Variants in SCYL2 observed in about 807,000 individuals in gnomAD.
The protein encoded by SCYL2 is SCY1 like pseudokinase 2.
SCYL2 carries 36 observed loss-of-function variants against 100.4 expected under a neutral mutation model. That is an observed-to-expected ratio of 0.36 (90% CI 0.27 to 0.47). The LOEUF (loss-of-function observed/expected upper bound fraction) is 0.47, where lower values mean the gene tolerates loss of function less well. Ranked by LOEUF, SCYL2 falls within the 20% of genes least tolerant of loss-of-function variation. The pLI, the probability that SCYL2 is intolerant of heterozygous loss-of-function variation, is 1.00. For synonymous variants in SCYL2, 330 were observed against 359.2 expected, an observed-to-expected ratio of 0.92 and a Z score of 0.92; for missense variants, 902 against 1,083.9, an observed-to-expected ratio of 0.83 and a Z score of 2.36.
intron 3 of SCYL2, among the ~76,000 whole-genome samples, chr12:100,295,172 G>C (rs1274845786): frequency 6.6e-6 from 1 of 151,598 alleles, no homozygotes; most frequent in African/African-American, 2.4e-5. Context: ...TCACTTCCTA[G>C]ATGGGATGGC....
At chr12:100,315,821 T>A (rs1235515101) in intron 9 of SCYL2, 87 bp downstream of exon 9, 3 of 1,118,260 alleles carry the variant, frequency 2.7e-6, no homozygotes, top group East Asian at 2.7e-5. Flanking sequence ...ATATATGACT[T>A]AAAAAAAACT....
intron 9 of SCYL2, among the ~76,000 whole-genome samples, chr12:100,316,620 G>A (rs1243084941): frequency 6.6e-6 from 1 of 152,182 alleles, no homozygotes; most frequent in Non-Finnish European, 1.5e-5. Context: ...CTGTGAATTA[G>A]GGAAAGAACA....
intron 4 of SCYL2, among the ~76,000 whole-genome samples, chr12:100,308,236 C>T (rs1036597042): frequency 6.6e-6 from 1 of 152,228 alleles, no homozygotes; most frequent in East Asian, 1.9e-4. Flanking sequence ...TGGAACCAAC[C>T]CAAATGCCCA....
chr12:100,289,468 T>C (rs1397895202), intron 2 of SCYL2, among the ~76,000 whole-genome samples: 1 of 152,238 alleles, frequency 6.6e-6, no homozygotes, highest in African/African-American at 2.4e-5. Context: ...CTGTGAGGAA[T>C]AGAATAATTC....
At chr12:100,274,750 G>GCAAATCAATTTTAGGA (rs2096290945) in intron 1 of SCYL2, among the ~76,000 whole-genome samples, 1 of 152,196 alleles carries the variant, frequency 6.6e-6, no homozygotes, top group Non-Finnish European at 1.5e-5. Flanking sequence ...AAATCTTCAG[G>GCAAATCAATTTTAGGA]ACATAGACTT....
chr12:100,313,548 T>C lies in SCYL2; in HGVS notation c.969+10T>C. Reference sequence around the variant, plus strand: ...AGATCAAATGACAAAGGTGAGTACATGTGGATTTCTGCCTAAGATGGAGGA... The same window carrying C: ...AGATCAAATGACAAAGGTGAGTACACGTGGATTTCTGCCTAAGATGGAGGA... On this transcript the variant is annotated intron_variant, in intron 7 of 17. Transcript: ENST00000360820. The C allele has an allele frequency of 7.2e-7, 1 of 1,398,468 alleles. No homozygotes were observed. The highest frequency in any genetic ancestry group is 1.0e-6 in the Non-Finnish European group (1 of 994,656). 86.6% of individuals were successfully genotyped at this position (1,398,468 alleles called of 1,614,324 possible).
At position 100,294,873 on chromosome 12, in the gene SCYL2, C is replaced by T. The variant is rs531712338; in HGVS notation, c.336-3158C>T. 7.3e-3 allele frequency among the ~76,000 whole-genome samples: 1,088 copies of T among 149,300 alleles called. 16 individuals carry two copies. Among genetic ancestry groups the T allele is most frequent in the Middle Eastern group, 7.2e-3 (2 of 278 alleles). On this transcript the variant is annotated intron_variant, in intron 3 of 17. Transcript: ENST00000360820. ...CTCATTTCCCAGACGGGGTGGCTGCCGGGCGGAGAGGCTCCTCACTTCTCA... is the reference window on the plus strand; with the variant it reads ...CTCATTTCCCAGACGGGGTGGCTGCTGGGCGGAGAGGCTCCTCACTTCTCA...
intron 17 of SCYL2, among the ~76,000 whole-genome samples, chr12:100,338,312 C>G (rs1211375668): frequency 6.6e-6 from 1 of 151,994 alleles, no homozygotes. Flanking sequence ...AGTTAGTGTT[C>G]CCTATCATCA....
intron 10 of SCYL2, among the ~76,000 whole-genome samples, chr12:100,322,386 A>C (rs1045730200): frequency 7.3e-5 from 11 of 151,150 alleles, no homozygotes; most frequent in African/African-American, 2.4e-4. Flanking sequence ...AAAAAAAAAA[A>C]AAAAAAAGAA....
chr12:100,295,319 C>G (rs2096318192), intron 3 of SCYL2, among the ~76,000 whole-genome samples: 1 of 152,188 alleles, frequency 6.6e-6, no homozygotes, highest in Non-Finnish European at 1.5e-5. Flanking sequence ...AGGATGCAAT[C>G]TCGGCACTTT....
Position 100,333,266 on chromosome 12 carries a change from G to T in SCYL2, c.1762-900G>T, listed in dbSNP as rs770734674. On this transcript the variant is annotated intron_variant, in intron 13 of 17. Transcript: ENST00000360820. ...AGAGCATGGTGAAAAGCAGTATAAC[G>T]TAGTAGAAAAGGGTGCAGACTTTGG... is the stretch of plus-strand genomic sequence containing the variant. Among the ~76,000 whole-genome samples, 4 of 152,136 alleles carry T rather than the reference G, an allele frequency of 2.6e-5. No homozygotes were observed. In the East Asian group the frequency reaches 5.8e-4, roughly 22 times the overall value.
Position 100,341,547 on chromosome 12 carries a change from T to C in SCYL2, c.*2375T>C, listed in dbSNP as rs1952353291. 6.6e-6 allele frequency: 1 copy of C among 152,244 alleles called. No homozygotes were observed. Among genetic ancestry groups the C allele is most frequent in the East Asian group, 1.9e-4 (1 of 5,202 alleles). The allele number at this position is 152,244 out of a possible 1,614,324, so 9.4% of individuals were successfully genotyped here. A position where few individuals can be genotyped will look rare whatever the true frequency, so the allele number is the denominator to read the frequency against. On this transcript the variant is annotated 3_prime_UTR_variant, in exon 18 of 18. Coordinates refer to ENST00000360820, the MANE Select transcript of SCYL2 (RefSeq NM_017988.6). ...GTCTGGTTTTTGTTTGTTTTTATTT[T>C]GGAATGCTTATAAGCCTCCTTTACA...
chr12:100,295,230 A>AG (rs1464707155), intron 3 of SCYL2, among the ~76,000 whole-genome samples: 47 of 150,580 alleles, frequency 3.1e-4, no homozygotes, highest in African/African-American at 1.2e-3. Context: ...AGCCAGGCAG[A>AG]GGGGCTCCTC....
At chr12:100,326,782 G>A in intron 12 of SCYL2, 28 bp downstream of exon 12, 1 of 1,593,418 alleles carries the variant, frequency 6.3e-7, no homozygotes, top group South Asian at 1.1e-5. Context: ...GTCATTTGAT[G>A]CTATTTTATC....
At chr12:100,279,198 T>C (rs1161099663) in intron 1 of SCYL2, among the ~76,000 whole-genome samples, 1 of 152,218 alleles carries the variant, frequency 6.6e-6, no homozygotes, top group Non-Finnish European at 1.5e-5. Context: ...GTGAAACTCT[T>C]CTACCTCAGA....
Position 100,314,494 on chromosome 12 carries a change from C to T in SCYL2, c.975C>T (p.Pro325=), listed in dbSNP as rs769406364. ...RPDADQMTKI[P]FFDDVGAVTL... ...TTTATTTCCATTTTTTTTAGATTCC[C>T]TTCTTTGATGATGTTGGTGCAGTAA... The change falls in exon 8 of 18, where the codon CCC becomes CCT. Residue 325 remains proline, a synonymous_variant. Transcript: ENST00000360820. The T allele has an allele frequency of 5.7e-6, 9 of 1,576,640 alleles. No homozygotes were observed. The highest frequency in any genetic ancestry group is 2.3e-5 in the East Asian group (1 of 43,658).
intron 5 of SCYL2, 105 bp from the exon 6 acceptor site, chr12:100,312,326 AT>A: frequency 2.3e-6 from 2 of 861,570 alleles, no homozygotes; most frequent in South Asian, 1.6e-5. Flanking sequence ...GCGTGATGGC[AT>A]TTTTACTTGC....
intron 12 of SCYL2, 149 bp from the exon 13 acceptor site, chr12:100,329,052 T>C (rs1952174368): frequency 1.1e-5 from 6 of 537,214 alleles, no homozygotes; most frequent in African/African-American, 1.9e-5. Flanking sequence ...TTCTGATTCA[T>C]ATGTAAGAAC....
At chr12:100,307,997 G>A (rs1167690029) in intron 4 of SCYL2, among the ~76,000 whole-genome samples, 1 of 152,194 alleles carries the variant, frequency 6.6e-6, no homozygotes, top group African/African-American at 2.4e-5. Flanking sequence ...AACAGATGCT[G>A]GAGAGGATGT....
Sources: gnomAD v4.1 joint callset for allele counts (sites outside exome capture counted in the v4.1 genomes callset) on GRCh38, gnomAD v4.1.1 for gene constraint, MANE v1.5 for transcripts, NCBI Gene and HGNC (gene_info 2026-07-23, HGNC 2026-07-21) for gene names.